Variants in CTNNA2 observed in about 807,000 individuals in gnomAD.
CTNNA2 encodes the protein catenin alpha 2, also known as catenin alpha-2.
In CTNNA2, 42 loss-of-function variants were observed where a neutral mutation model predicts 101.0. The ratio of observed to expected loss-of-function variants is 0.42; its 90% confidence interval spans 0.32 to 0.54. The LOEUF is 0.54. Ranked by LOEUF, CTNNA2 falls within the 20% of genes least tolerant of loss-of-function variation. The pLI is 0.14. For missense variants in CTNNA2, 871 were observed against 1,223.1 expected, an observed-to-expected ratio of 0.71 and a Z score of 4.29; for synonymous variants, 450 against 456.4, an observed-to-expected ratio of 0.99 and a Z score of 0.18.
chr2:80,494,411 A>T (rs577967889), intron 9 of CTNNA2, among the ~76,000 whole-genome samples: 6 of 152,190 alleles, frequency 3.9e-5, no homozygotes, highest in Non-Finnish European at 8.8e-5. Context: ...GAAAAGAGTA[A>T]CAGTGGCTGT....
chr2:79,432,987 C>A (rs1678673293), intron 4 of CTNNA2, among the ~76,000 whole-genome samples: 2 of 152,152 alleles, frequency 1.3e-5, no homozygotes, highest in South Asian at 4.1e-4. Flanking sequence ...TGTTTGTCAG[C>A]GAGGTTGTTT....
chr2:79,945,744 T>G (rs1196277436), intron 7 of CTNNA2, among the ~76,000 whole-genome samples: 2 of 152,152 alleles, frequency 1.3e-5, no homozygotes, highest in Non-Finnish European at 2.9e-5. Flanking sequence ...TCCTCTGAGA[T>G]TCTAGAGAAA....
rs931950613 is a variant in CTNNA2 at position 79,479,315 on chromosome 2, GT to G, written c.-134-25738del. Among the ~76,000 whole-genome samples, 16 of 152,142 alleles carry G rather than the reference GT, an allele frequency of 1.1e-4. 1 individual carries two copies. The highest frequency in any genetic ancestry group is 3.9e-4 in the African/African-American group (16 of 41,416). Reference sequence around the variant, plus strand: ...AGGACACCAGCACCTTCCTCAAAATGTCCTTTTTACTTCACAATGCACCCGC... The same window carrying G: ...AGGACACCAGCACCTTCCTCAAAATGCCTTTTTACTTCACAATGCACCCGC... On this transcript the variant is annotated intron_variant, in intron 4 of 21. Transcript: ENST00000466387.
At chr2:80,398,260 T>C (rs1161097531) in intron 8 of CTNNA2, among the ~76,000 whole-genome samples, 1 of 152,218 alleles carries the variant, frequency 6.6e-6, no homozygotes, top group Non-Finnish European at 1.5e-5. Flanking sequence ...GGCCAATTAT[T>C]TTTAAGTTCA....
intron 15 of CTNNA2, among the ~76,000 whole-genome samples, chr2:80,589,907 C>T (rs867343755): frequency 4.5e-4 from 54 of 120,832 alleles, no homozygotes; most frequent in African/African-American, 9.9e-4. Flanking sequence ...TGTGTGTGTG[C>T]GCGCGCGCGC....
intron 7 of CTNNA2, among the ~76,000 whole-genome samples, chr2:80,335,493 G>A (rs371096268): frequency 2.0e-5 from 3 of 152,104 alleles, no homozygotes; most frequent in East Asian, 1.9e-4. Context: ...AAAGTACAGC[G>A]CAGTGTACAA....
chr2:79,719,948 T>C (rs1052834670), intron 2 of CTNNA2, among the ~76,000 whole-genome samples: 2 of 152,208 alleles, frequency 1.3e-5, no homozygotes, highest in African/African-American at 4.8e-5. Flanking sequence ...TTTGGGGACT[T>C]AGCCAAAAAT....
chr2:80,488,178 C>G (rs1457111672), intron 9 of CTNNA2, among the ~76,000 whole-genome samples: 1 of 152,082 alleles, frequency 6.6e-6, no homozygotes, highest in Non-Finnish European at 1.5e-5. Context: ...AAAAATGAGC[C>G]AACAGAAGAT....
At chr2:80,258,113 T>C (rs1558947214) in intron 7 of CTNNA2, among the ~76,000 whole-genome samples, 1 of 152,212 alleles carries the variant, frequency 6.6e-6, no homozygotes, top group African/African-American at 2.4e-5. Context: ...AACAGATGGA[T>C]GTAAAGTAAG....
chr2:79,253,411 G>C (rs991737530), intron 2 of CTNNA2, among the ~76,000 whole-genome samples: 2 of 152,180 alleles, frequency 1.3e-5, no homozygotes, highest in African/African-American at 4.8e-5. Context: ...AAAGGCTACT[G>C]TTTGTTTTCT....
rs140110265 is a variant in CTNNA2 at position 79,733,950 on chromosome 2, G to A, written c.103-10437G>A. On this transcript the variant is annotated intron_variant, in intron 2 of 18. Transcript: ENST00000402739. ...TCCTTTGCCTAACATACTATTGATT[G>A]GAAAATATTTTGTGTCTATTGTGCT... is the stretch of plus-strand genomic sequence containing the variant. 8.5e-3 allele frequency among the ~76,000 whole-genome samples: 1,290 copies of A among 152,146 alleles called. 16 individuals are homozygous for A. The highest frequency in any genetic ancestry group is 0.029 in the African/African-American group (1,223 of 41,532).
At chr2:79,531,506 G>A (rs1042542165) in intron 1 of CTNNA2, among the ~76,000 whole-genome samples, 2 of 151,790 alleles carry the variant, frequency 1.3e-5, no homozygotes, top group Non-Finnish European at 2.9e-5. Flanking sequence ...CCATAGCAAC[G>A]GAAACAGTCT....
At chr2:79,804,425 A>T (rs1174247646) in intron 3 of CTNNA2, among the ~76,000 whole-genome samples, 1 of 152,168 alleles carries the variant, frequency 6.6e-6, no homozygotes, top group Non-Finnish European at 1.5e-5. Context: ...GCAAAATGAA[A>T]ATAGTTAAAG....
At chr2:79,653,042 G>A (rs945766288) in intron 2 of CTNNA2, among the ~76,000 whole-genome samples, 10 of 152,158 alleles carry the variant, frequency 6.6e-5, no homozygotes, top group African/African-American at 2.4e-4. Flanking sequence ...TGCAATGGAG[G>A]GACAGGCATA....
chr2:79,509,276 C>T (rs1194806900), upstream of CTNNA2, among the ~76,000 whole-genome samples: 1 of 151,794 alleles, frequency 6.6e-6, no homozygotes, highest in Non-Finnish European at 1.5e-5. Flanking sequence ...AATATAGTGA[C>T]AGGGTCTGAA....
intron 4 of CTNNA2, among the ~76,000 whole-genome samples, chr2:79,438,198 G>A (rs909940089): frequency 1.3e-5 from 2 of 152,100 alleles, no homozygotes; most frequent in African/African-American, 4.8e-5. Context: ...GACCCTGGCT[G>A]GCTGGAATTA....
intron 7 of CTNNA2, among the ~76,000 whole-genome samples, chr2:80,004,802 A>G (rs1169859013): frequency 6.6e-6 from 1 of 151,814 alleles, no homozygotes; most frequent in Non-Finnish European, 1.5e-5. Context: ...TCCTGGGTTC[A>G]AGCAATTCTC....
intron 6 of CTNNA2, among the ~76,000 whole-genome samples, chr2:79,886,923 A>G (rs74529148): frequency 2.6e-5 from 4 of 151,376 alleles, no homozygotes; most frequent in Non-Finnish European, 4.4e-5. Flanking sequence ...GCCTCAAGTA[A>G]TCTTCCCACC....
At chr2:79,548,243 A>T (rs1478199383) in intron 1 of CTNNA2, 1 of 152,228 alleles carries the variant, frequency 6.6e-6, no homozygotes, top group Non-Finnish European at 1.5e-5. Context: ...TTAAGTACTA[A>T]TGAGCATGAA....
Sources: allele counts gnomAD v4.1 joint callset (sites outside exome capture counted in the v4.1 genomes callset), GRCh38; gene constraint gnomAD v4.1.1; transcripts MANE v1.5; gene names NCBI Gene and HGNC (gene_info 2026-07-23, HGNC 2026-07-21).